RTN4RL1: variants seen among roughly 807,000 people sequenced by gnomAD.
RTN4RL1 encodes reticulon 4 receptor like 1, also known as reticulon-4 receptor-like 1.
A neutral mutation model predicts 25.6 loss-of-function variants in RTN4RL1; 7 were observed. That is an observed-to-expected ratio of 0.27 (90% CI 0.16 to 0.51). The LOEUF is 0.51. Ranked by LOEUF, RTN4RL1 falls within the 20% of genes least tolerant of loss-of-function variation. The probability of loss-of-function intolerance (pLI) is 0.97; values close to 1 mark genes in which losing one functional copy is unlikely to be tolerated. For synonymous variants in RTN4RL1, 297 were observed against 288.2 expected, an observed-to-expected ratio of 1.03 and a Z score of -0.31; for missense variants, 500 against 615.6, an observed-to-expected ratio of 0.81 and a Z score of 1.99.
At chr17:2,001,700 C>G (rs1346859618) in intron 1 of RTN4RL1, 1 of 152,298 alleles carries the variant, frequency 6.6e-6, no homozygotes, top group East Asian at 1.9e-4. Flanking sequence ...CAAAGGCCTC[C>G]TTCCTATGTC....
intron 1 of RTN4RL1, among the ~76,000 whole-genome samples, chr17:2,005,364 T>G (rs2099904084): frequency 6.6e-6 from 1 of 152,174 alleles, no homozygotes; most frequent in South Asian, 2.1e-4. Flanking sequence ...AGATAGGCAC[T>G]GTTATTAGGC....
intron 1 of RTN4RL1, among the ~76,000 whole-genome samples, chr17:1,969,202 G>A (rs1287578414): frequency 2.0e-5 from 3 of 151,908 alleles, no homozygotes; most frequent in Admixed American, 6.6e-5. Flanking sequence ...GGGATTACAG[G>A]CACCCACCAC....
At chr17:1,962,875 A>G (rs1392277444) in intron 1 of RTN4RL1, among the ~76,000 whole-genome samples, 1 of 151,578 alleles carries the variant, frequency 6.6e-6, no homozygotes, top group Admixed American at 6.6e-5. Flanking sequence ...AAAAAAAAAA[A>G]AAAAAAGAGA....
chr17:1,980,752 A>G (rs2066863599), intron 1 of RTN4RL1, among the ~76,000 whole-genome samples: 1 of 151,306 alleles, frequency 6.6e-6, no homozygotes, highest in South Asian at 2.1e-4. Context: ...ACATGGAGAA[A>G]CCCCGTCTCT....
chr17:1,977,319 C>G (rs1221598732), intron 1 of RTN4RL1, among the ~76,000 whole-genome samples: 2 of 152,076 alleles, frequency 1.3e-5, no homozygotes, highest in Non-Finnish European at 2.9e-5. Flanking sequence ...CGCACCCACC[C>G]CACGGCCACC....
At chr17:1,974,868 A>C (rs1239974179) in intron 1 of RTN4RL1, among the ~76,000 whole-genome samples, 1 of 152,238 alleles carries the variant, frequency 6.6e-6, no homozygotes, top group African/African-American at 2.4e-5. Flanking sequence ...CCAGCTTCCC[A>C]GGCATGGTGC....
At chr17:1,939,214 G>T (rs959717327) in intron 1 of RTN4RL1, among the ~76,000 whole-genome samples, 8 of 151,510 alleles carry the variant, frequency 5.3e-5, no homozygotes, top group African/African-American at 1.9e-4. Context: ...TTAGCCGGGC[G>T]TGGTGGCGCG....
At chr17:2,020,532 TCCG>T (rs961412204) in intron 1 of RTN4RL1, 1 of 152,116 alleles carries the variant, frequency 6.6e-6, no homozygotes, top group Admixed American at 6.5e-5. Flanking sequence ...GAAGCCCAAA[TCCG>T]CCACCAGACC....
At chr17:1,972,691 C>T (rs1016213813) in intron 1 of RTN4RL1, among the ~76,000 whole-genome samples, 4 of 152,210 alleles carry the variant, frequency 2.6e-5, no homozygotes, top group East Asian at 3.8e-4. Flanking sequence ...GTGAACTTCC[C>T]GACTCAGCCG....
chr17:1,957,170 C>G (rs1010379378), intron 1 of RTN4RL1, among the ~76,000 whole-genome samples: 4 of 152,204 alleles, frequency 2.6e-5, no homozygotes. Context: ...TGATCCTTTC[C>G]TTAGATCAGA....
rs1915332146 is a variant in RTN4RL1, at chr17:1,937,350, C to G, written c.472G>C (p.Asp158His). The G allele has an allele frequency of 6.2e-7, 1 of 1,613,534 alleles. No homozygotes were observed. Among genetic ancestry groups the G allele is most frequent in the Non-Finnish European group, 8.5e-7 (1 of 1,179,896 alleles). ...TCCTGGAGGTACTCGATGTGGTTGT[C>G]CTGCAGGTAGAGGTACTGCAGGCTG... ...LHSLQYLYLQ[D>H]NHIEYLQDDI... Residue 158 changes from aspartate to histidine, a missense_variant, in exon 2 of 2, where the codon GAC (aspartate) becomes CAC (histidine). Asp to His is a moderately conservative substitution (Grantham distance 81). Transcript: ENST00000331238.
chr17:1,951,381 C>T (rs1915674332), intron 1 of RTN4RL1, among the ~76,000 whole-genome samples: 1 of 152,100 alleles, frequency 6.6e-6, no homozygotes, highest in South Asian at 2.1e-4. Flanking sequence ...GAGAAGGAAC[C>T]GCCAGTAAGG....
chr17:1,968,876 T>C (rs78116599), intron 1 of RTN4RL1, among the ~76,000 whole-genome samples: 11,482 of 152,262 alleles, frequency 0.075, 515 homozygotes, highest in Non-Finnish European at 0.1. Context: ...TGTAGGTATC[T>C]ATCGCCGAGT....
chr17:1,991,446 T>TAAAAAAAAAAAAAAAAAAAAAAAAAA (rs764604442), intron 1 of RTN4RL1, among the ~76,000 whole-genome samples: 2 of 31,244 alleles, frequency 6.4e-5, no homozygotes, highest in Admixed American at 3.2e-4. Context: ...ATGCACATAG[T>TAAAAAAAAAAAAAAAAAAAAAAAAAA]AAAAAAAAAA....
chr17:1,960,870 G>C (rs897909547), intron 1 of RTN4RL1, among the ~76,000 whole-genome samples: 1 of 151,946 alleles, frequency 6.6e-6, no homozygotes, highest in Non-Finnish European at 1.5e-5. Context: ...GCCTTTGGGG[G>C]ACCATCTCCT....
intron 1 of RTN4RL1, among the ~76,000 whole-genome samples, chr17:2,014,232 A>G (rs1284107843): frequency 6.6e-6 from 1 of 152,218 alleles, no homozygotes; most frequent in Non-Finnish European, 1.5e-5. Flanking sequence ...GACACAGAGC[A>G]GCATGAGGGA....
At chr17:2,002,356 G>C (rs571318455) in intron 1 of RTN4RL1, among the ~76,000 whole-genome samples, 6 of 149,428 alleles carry the variant, frequency 4.0e-5, no homozygotes, top group African/African-American at 7.4e-5. Flanking sequence ...GCAGTGGCGC[G>C]ATCTCGGCTC....
At chr17:1,981,684 A>T (rs1304349427) in intron 1 of RTN4RL1, among the ~76,000 whole-genome samples, 16 of 152,082 alleles carry the variant, frequency 1.1e-4, no homozygotes, top group Non-Finnish European at 4.4e-5. Flanking sequence ...GCTGGTACAC[A>T]CTGCCCTGGG....
At chr17:2,010,973 C>T (rs4790863) in intron 1 of RTN4RL1, among the ~76,000 whole-genome samples, 53,157 of 151,956 alleles carry the variant, frequency 0.35, 9,639 homozygotes, top group East Asian at 0.55. Context: ...GTTTGTCGGC[C>T]GGGCGCGGTA....
Sources: allele counts gnomAD v4.1 joint callset (sites outside exome capture counted in the v4.1 genomes callset), GRCh38; gene constraint gnomAD v4.1.1; transcripts MANE v1.5; gene names NCBI Gene and HGNC (gene_info 2026-07-23, HGNC 2026-07-21).